The following KBTBD4 variants were observed in gnomAD, a reference collection of about 807,000 sequenced individuals.
KBTBD4 encodes the protein kelch repeat and BTB domain containing 4.
A neutral mutation model predicts 43.9 loss-of-function variants in KBTBD4; 30 were observed. The observed-to-expected ratio is 0.68, with a 90% confidence interval of 0.51 to 0.93. KBTBD4 has a LOEUF of 0.93. Among genes scored for constraint, KBTBD4 ranks in the 40% least tolerant of loss-of-function variants. The probability of loss-of-function intolerance (pLI) is 0.00; values close to 1 mark genes in which losing one functional copy is unlikely to be tolerated. For missense variants in KBTBD4, 575 were observed against 668.8 expected (o/e 0.86, Z 1.55); for synonymous variants, 258 against 256.9 (o/e 1.00, Z -0.04).
rs775355395 is a variant in KBTBD4, at chr11:47,573,449, G to A, written c.1086C>T (p.Asn362=). The change falls in exon 4 of 4, where the codon AAC becomes AAT. Residue 362 remains asparagine, a synonymous_variant. Coordinates refer to ENST00000430070, the MANE Select transcript of KBTBD4 (RefSeq NM_018095.6). The surrounding 1 kb of genome is among the most constrained non-coding windows in gnomAD (Gnocchi z 4.1). ...GGKTLQDTLS[N]AVIYYRVGDN... is the part of the protein sequence containing the mutation. Reference sequence around the variant, plus strand: ...CACCTACGCGATAATAAATGACTGCGTTGGAGAGGGTATCTTGCAGTGTCT... The same window carrying A: ...CACCTACGCGATAATAAATGACTGCATTGGAGAGGGTATCTTGCAGTGTCT... 5 of 1,614,204 alleles carry A rather than the reference G, an allele frequency of 3.1e-6. No homozygotes were observed. The highest frequency in any genetic ancestry group is 1.3e-5 in the African/African-American group (1 of 75,060).
chr11:47,576,590 T>C (rs1184718989), intron 2 of KBTBD4: 1 of 152,116 alleles, frequency 6.6e-6, no homozygotes, highest in Non-Finnish European at 1.5e-5. Flanking sequence ...CCAGAGTATG[T>C]GCCTTGCTTT....
At chr11:47,577,356 C>G (rs755639694) in intron 2 of KBTBD4, 55 bp downstream of exon 2, 2 of 1,511,000 alleles carry the variant, frequency 1.3e-6, no homozygotes, top group South Asian at 1.3e-5. Context: ...CTAGAACATT[C>G]ACTGAACATC....
rs542124082 is a variant in KBTBD4, at chr11:47,578,958, G to A, written c.-7C>T. ...CTGCGTTCCCTCCTTTCATCCCGGA[G>A]CCCGGAACCTCCGCTTCCGGCTCCA... On this transcript the variant is annotated 5_prime_UTR_variant, in exon 1 of 4. Coordinates refer to ENST00000430070, the MANE Select transcript of KBTBD4 (RefSeq NM_018095.6). The A allele has an allele frequency of 6.4e-7, 1 of 1,551,674 alleles. No homozygotes were observed. The highest frequency in any genetic ancestry group is 1.4e-5 in the African/African-American group (1 of 73,156).
At chr11:47,576,865 C>T (rs1255122679) in intron 2 of KBTBD4, among the ~76,000 whole-genome samples, 3 of 152,016 alleles carry the variant, frequency 2.0e-5, no homozygotes, top group Non-Finnish European at 2.9e-5. Context: ...TTTGTGGAGA[C>T]GGGATTTCGC....
chr11:47,575,033 G>A (rs530812443), intron 3 of KBTBD4, among the ~76,000 whole-genome samples: 235 of 151,952 alleles, frequency 1.5e-3, no homozygotes, highest in Non-Finnish European at 2.6e-3. Context: ...TGGCCAACAT[G>A]GTGAAACCCC....
rs530128495 is a variant in KBTBD4, at chr11:47,574,306, G to A, written c.745-516C>T. On this transcript the variant is annotated intron_variant, in intron 3 of 3. Coordinates refer to ENST00000430070, the MANE Select transcript of KBTBD4 (RefSeq NM_018095.6). ...AAGCTCAAGAGTTCGAGACCAGCCTGACCAATATGGTGAAACCCTGTCTCT... is the reference window on the plus strand; with the variant it reads ...AAGCTCAAGAGTTCGAGACCAGCCTAACCAATATGGTGAAACCCTGTCTCT... 3.9e-5 allele frequency among the ~76,000 whole-genome samples: 6 copies of A among 152,266 alleles called. No individual in the cohort carries two copies. The South Asian group carries it at 1.2e-3, about 32-fold the overall frequency.
rs2097256628 is a variant in KBTBD4 at position 47,575,110 on chromosome 11, T to TA, written c.744+482dup. Reference sequence around the variant, plus strand: ...CTGTAATCCCACCTACTTGGGAGGCTAAGGCAGGAAAATAGCCTGAAACTG... The same window carrying TA: ...CTGTAATCCCACCTACTTGGGAGGCTAAAGGCAGGAAAATAGCCTGAAACTG... On this transcript the variant is annotated intron_variant, in intron 3 of 3. Transcript: ENST00000430070. Among the ~76,000 whole-genome samples the TA allele has an allele frequency of 6.7e-5, 10 of 149,892 alleles. 1 individual carries two copies. The South Asian group carries it at 1.9e-3, about 28-fold the overall frequency.
At position 47,573,027 on chromosome 11, in the gene KBTBD4, TCC is replaced by T. The variant is rs1469530219; in HGVS notation, c.1506_1507del (p.Asp503CysfsTer7). 9 of 1,613,980 alleles carry T rather than the reference TCC, an allele frequency of 5.6e-6. No individual in the cohort carries two copies. The South Asian group carries it at 9.9e-5, about 18-fold the overall frequency. ...AGGGTCAAGCTTGTAGGTGTTGGCA[TCC>T]CCCTTTTTATATCGGTCCCGGAAGA... is the stretch of plus-strand genomic sequence containing the variant. On this transcript the variant is annotated frameshift_variant, in exon 4 of 4. Transcript: ENST00000430070. LOFTEE classifies it high-confidence loss of function. This position sits in a 1 kb window ranked among gnomAD's most constrained non-coding sequence, Gnocchi z 4.1.
At position 47,574,219 on chromosome 11, in the gene KBTBD4, G is replaced by A. The variant is rs139370838; in HGVS notation, c.745-429C>T. 5.7e-3 allele frequency among the ~76,000 whole-genome samples: 864 copies of A among 152,134 alleles called. 10 individuals are homozygous for A. The highest frequency in any genetic ancestry group is 0.019 in the African/African-American group (777 of 41,494). ...AAAATTAAAAAAACAAGAGATGGCCGGGCACAGTGGCTCACACCTGTCATC... is the reference window on the plus strand; with the variant it reads ...AAAATTAAAAAAACAAGAGATGGCCAGGCACAGTGGCTCACACCTGTCATC... On this transcript the variant is annotated intron_variant, in intron 3 of 3. Transcript: ENST00000430070.
At chr11:47,578,908 C>T in intron 1 of KBTBD4, 25 bp downstream of exon 1, 1 of 1,551,724 alleles carries the variant, frequency 6.4e-7, no homozygotes, top group Non-Finnish European at 8.7e-7. Context: ...CACGATTTCC[C>T]TACCTGCCTG....
At chr11:47,575,826 C>G (rs977482343) in intron 2 of KBTBD4, 127 bp from the exon 3 acceptor site, 2 of 528,916 alleles carry the variant, frequency 3.8e-6, no homozygotes, top group Non-Finnish European at 6.8e-6. Flanking sequence ...TACATGCATA[C>G]ATACACATAT....
chr11:47,578,735 G>C, intron 1 of KBTBD4, 198 bp downstream of exon 1: 1 of 1,449,728 alleles, frequency 6.9e-7, no homozygotes, highest in South Asian at 1.3e-5. Context: ...TCCCGCTCAG[G>C]CCCGCCCGCC....
chr11:47,577,375 G>C lies in KBTBD4; in HGVS notation c.637+36C>G, dbSNP rs745591988. The C allele has an allele frequency of 1.1e-5, 17 of 1,546,310 alleles. No individual in the cohort carries two copies. In the African/African-American group the frequency reaches 1.8e-4, roughly 16 times the overall value. On this transcript the variant is annotated intron_variant, in intron 2 of 3. Coordinates refer to ENST00000430070, the MANE Select transcript of KBTBD4 (RefSeq NM_018095.6). Reference sequence around the variant, plus strand: ...AACATTCACTGAACATCATAGCCAAGTAACTGGGTATGGTGTGTCCCCTCC... The same window carrying C: ...AACATTCACTGAACATCATAGCCAACTAACTGGGTATGGTGTGTCCCCTCC...
chr11:47,573,930 A>C lies in KBTBD4; in HGVS notation c.745-140T>G. On this transcript the variant is annotated intron_variant, in intron 3 of 3. Transcript: ENST00000430070. The surrounding 1 kb of genome is among the most constrained non-coding windows in gnomAD (Gnocchi z 4.1). ...CTCTCTAATTACTGTATGGCATCCAACTCTCCTCTAGTCACTTTCTTTGAG... is the reference window on the plus strand; with the variant it reads ...CTCTCTAATTACTGTATGGCATCCACCTCTCCTCTAGTCACTTTCTTTGAG... 1.3e-6 allele frequency: 1 copy of C among 746,184 alleles called. No individual in the cohort carries two copies. The highest frequency in any genetic ancestry group is 1.9e-5 in the South Asian group (1 of 51,754). The allele number at this position is 746,184 out of a possible 1,614,324, so 46.2% of individuals were successfully genotyped here. A position where few individuals can be genotyped will look rare whatever the true frequency, so the allele number is the denominator to read the frequency against.
In KBTBD4 at chr11:47,577,440, G is replaced by C. The variant is rs1053435857; in HGVS notation, c.608C>G (p.Pro203Arg). Residue 203 changes from proline to arginine, a missense_variant, in exon 2 of 4, where the codon CCC becomes CGC. Transcript: ENST00000430070. ...LQNTEEFLHLPHRLLTDIISD... is the reference protein window; with the variant it reads ...LQNTEEFLHLRHRLLTDIISD... ...GATGATATCTGTGAGTAAGCGGTGG[G>C]GCAAGTGGAGAAATTCCTCTGTATT... 8 of 1,608,512 alleles carry C rather than the reference G, an allele frequency of 5.0e-6. No individual in the cohort carries two copies. Among genetic ancestry groups the C allele is most frequent in the Non-Finnish European group, 6.0e-6 (7 of 1,175,578 alleles).
rs2097251200 is a variant in KBTBD4, at chr11:47,572,639, CT to C, written c.*290del. On this transcript the variant is annotated 3_prime_UTR_variant, in exon 4 of 4. Coordinates refer to ENST00000430070, the MANE Select transcript of KBTBD4 (RefSeq NM_018095.6). ...ACATTGATCAGGTAAAGAGGAGAGG[CT>C]GTGCCTAAGGTCTGAGAAAAGGCTT... 1 of 429,590 alleles carries C rather than the reference CT, an allele frequency of 2.3e-6. No homozygotes were observed. The highest frequency in any genetic ancestry group is 4.2e-6 in the Non-Finnish European group (1 of 239,094). The allele number at this position is 429,590 out of a possible 1,614,324, so 26.6% of individuals were successfully genotyped here.
At position 47,573,511 on chromosome 11, in the gene KBTBD4, C is replaced by G. The variant is rs755063316; in HGVS notation, c.1024G>C (p.Val342Leu). The G allele has an allele frequency of 6.2e-7, 1 of 1,614,196 alleles. No homozygotes were observed. The highest frequency in any genetic ancestry group is 2.2e-5 in the East Asian group (1 of 44,892). ...RDRLQHTLVS[V>L]PGKDAIYSLG... ...GAATATATGGCATCTTTCCCGGGCACAGACACCAGGGTGTGCTGGAGCCGG... is the reference window on the plus strand; with the variant it reads ...GAATATATGGCATCTTTCCCGGGCAGAGACACCAGGGTGTGCTGGAGCCGG... Residue 342 changes from valine (V) to leucine (L), a missense_variant, in exon 4 of 4, where the codon GTG (valine) becomes CTG (leucine). Coordinates refer to ENST00000430070, the MANE Select transcript of KBTBD4 (RefSeq NM_018095.6). The surrounding 1 kb of genome is among the most constrained non-coding windows in gnomAD (Gnocchi z 4.1).
At chr11:47,576,133 G>A (rs2097258894) in intron 2 of KBTBD4, among the ~76,000 whole-genome samples, 1 of 144,630 alleles carries the variant, frequency 6.9e-6, no homozygotes, top group Non-Finnish European at 1.5e-5. Context: ...TTACAGGCAT[G>A]AGCCACCATG....
In KBTBD4 at chr11:47,572,260, A is replaced by C. The variant is rs905451618; in HGVS notation, c.*670T>G. 5 of 152,856 alleles carry C rather than the reference A, an allele frequency of 3.3e-5. No homozygotes were observed. The highest frequency in any genetic ancestry group is 1.2e-4 in the African/African-American group (5 of 41,470). 9.5% of individuals were successfully genotyped at this position (152,856 alleles called of 1,614,324 possible). A position where few individuals can be genotyped will look rare whatever the true frequency, so the allele number is the denominator to read the frequency against. ...CTCTTGACTTAGCTTAGAGCTTTTAAAAGAGCAGACACCTTATATATTTGA... is the reference window on the plus strand; with the variant it reads ...CTCTTGACTTAGCTTAGAGCTTTTACAAGAGCAGACACCTTATATATTTGA... On this transcript the variant is annotated 3_prime_UTR_variant, in exon 4 of 4. Transcript: ENST00000430070.
Sources: allele counts gnomAD v4.1 joint callset (sites outside exome capture counted in the v4.1 genomes callset), GRCh38; gene constraint gnomAD v4.1.1; non-coding constraint Gnocchi (gnomAD v3.1); transcripts MANE v1.5; gene names NCBI Gene and HGNC (gene_info 2026-07-23, HGNC 2026-07-21).